Variants in INSR observed in about 807,000 individuals in gnomAD.
The protein encoded by INSR is insulin receptor, also known as IR.
In INSR, 67 loss-of-function variants were observed where a neutral mutation model predicts 142.6. That is an observed-to-expected ratio of 0.47 (90% CI 0.39 to 0.58). The LOEUF is 0.58. Among genes scored for constraint, INSR ranks in the 20% least tolerant of loss-of-function variants. The pLI, the probability that INSR is intolerant of heterozygous loss-of-function variation, is 0.00. For missense variants in INSR, 1,248 were observed against 1,833.2 expected, an observed-to-expected ratio of 0.68 and a Z score of 5.83; for synonymous variants, 756 against 743.1, an observed-to-expected ratio of 1.02 and a Z score of -0.28.
chr19:7,220,436 G>A (rs181105582), intron 2 of INSR, among the ~76,000 whole-genome samples: 4 of 152,248 alleles, frequency 2.6e-5, no homozygotes, highest in Non-Finnish European at 5.9e-5. Context: ...GGCTACAGGC[G>A]CGCCACCACG....
At chr19:7,129,610 C>T (rs1568432797) in intron 14 of INSR, among the ~76,000 whole-genome samples, 1 of 152,228 alleles carries the variant, frequency 6.6e-6, no homozygotes, top group Non-Finnish European at 1.5e-5. Flanking sequence ...CAGGCGTGAG[C>T]CAACGTGCCC....
At chr19:7,148,883 G>C (rs34338074) in intron 11 of INSR, among the ~76,000 whole-genome samples, 121,301 of 151,368 alleles carry the variant, frequency 0.8, 49,234 homozygotes, top group Non-Finnish European at 0.88. Flanking sequence ...CAAGCTCCGC[G>C]TCCCAGGTTC....
rs763471377 is a variant in INSR at position 7,120,718 on chromosome 19, C to T, written c.3561G>A (p.Thr1187=). The part of the protein sequence containing the change: ...DFGMTRDIYE[T]DYYRKGGKGL... ...CCTTGCCCCCTTTCCGGTAGTAATC[C>T]GTTTCATAGATGTCTCTGGTCATTC... Residue 1187 remains threonine, a synonymous_variant, in exon 20 of 22, where the codon ACG becomes ACA. Coordinates refer to ENST00000302850, the MANE Select transcript of INSR (RefSeq NM_000208.4). The T allele has an allele frequency of 9.9e-6, 16 of 1,614,078 alleles. No homozygotes were observed. The South Asian group carries it at 1.2e-4, about 12-fold the overall frequency.
At chr19:7,184,198 C>G (rs909214941) in intron 3 of INSR, 118 bp downstream of exon 3, 30 of 891,610 alleles carry the variant, frequency 3.4e-5, no homozygotes, top group Admixed American at 2.0e-4. Flanking sequence ...GAGCAGAGAC[C>G]TCACTCATAG....
rs200618148 is a variant in INSR, at chr19:7,141,670, G to A, written c.2682+7C>T. ...GCAGGGGCATGCCCAAGAGTCAAGG[G>A]CCTTACCTCATCACCATATCGCCGA... On this transcript the variant is annotated splice_region_variant and intron_variant, in intron 13 of 21. Coordinates refer to ENST00000302850, the MANE Select transcript of INSR (RefSeq NM_000208.4). The A allele has an allele frequency of 5.5e-5, 89 of 1,614,010 alleles. No homozygotes were observed. Among genetic ancestry groups the A allele is most frequent in the Non-Finnish European group, 6.8e-5 (80 of 1,180,030 alleles).
Position 7,267,615 on chromosome 19 carries a change from G to C in INSR, c.382C>G (p.Leu128Val). Residue 128 changes from leucine (L) to valine (V), a missense_variant, in exon 2 of 22, where the codon CTC becomes GTC. By Grantham distance (32) the Leu-to-Val change is conservative. Transcript: ENST00000302850. This position sits in a 1 kb window ranked among gnomAD's most constrained non-coding sequence, Gnocchi z 6.3. ...YALVIFEMVH[L>V]KELGLYNLMN... is the part of the protein sequence containing the mutation. Reference sequence around the variant, plus strand: ...AGGTTGTAGAGGCCGAGTTCCTTGAGGTGAACCATCTCGAAGATGACCAGC... The same window carrying C: ...AGGTTGTAGAGGCCGAGTTCCTTGACGTGAACCATCTCGAAGATGACCAGC... 6.2e-7 allele frequency: 1 copy of C among 1,614,032 alleles called. No individual in the cohort carries two copies. The highest frequency in any genetic ancestry group is 2.2e-5 in the East Asian group (1 of 44,882).
chr19:7,180,605 T>C (rs1974249705), intron 3 of INSR, among the ~76,000 whole-genome samples: 1 of 143,668 alleles, frequency 7.0e-6, no homozygotes, highest in African/African-American at 2.6e-5. Flanking sequence ...TGACAGAGAG[T>C]GCACGGATGA....
chr19:7,250,588 A>AG (rs1976695633), intron 2 of INSR, among the ~76,000 whole-genome samples: 1 of 112,248 alleles, frequency 8.9e-6, no homozygotes, highest in African/African-American at 3.4e-5. Flanking sequence ...GAGGGAGGGA[A>AG]GGAAGGAAGG....
intron 2 of INSR, among the ~76,000 whole-genome samples, chr19:7,256,232 G>T (rs75392157): frequency 0.075 from 11,478 of 152,238 alleles, 624 homozygotes; most frequent in Middle Eastern, 0.12. Context: ...GAGGTCAGGA[G>T]TTCGAGACCA....
chr19:7,141,853 C>A lies in INSR; in HGVS notation c.2543-37G>T, dbSNP rs769542104. On this transcript the variant is annotated intron_variant, in intron 12 of 21. Coordinates refer to ENST00000302850, the MANE Select transcript of INSR (RefSeq NM_000208.4). ...GGAAGTGAGAGGCAGGGATGTAACT[C>A]TTGGATGAGATCCCACTTCTGCCAC... 1.9e-6 allele frequency: 3 copies of A among 1,563,548 alleles called. No homozygotes were observed. The Admixed American group carries it at 5.0e-5, about 26-fold the overall frequency.
At position 7,115,706 on chromosome 19, in the gene INSR, A is replaced by T. The variant is rs1196185994; in HGVS notation, c.*1350T>A. On this transcript the variant is annotated 3_prime_UTR_variant, in exon 22 of 22. Transcript: ENST00000302850. ...ACACACAGAGAATCAGAGGATGAAC[A>T]CAGGTGTTCTTGAAGGCAGGCTCAG... is the stretch of plus-strand genomic sequence containing the variant. The T allele has an allele frequency of 1.3e-5, 2 of 152,264 alleles. No homozygotes were observed. The highest frequency in any genetic ancestry group is 4.8e-5 in the African/African-American group (2 of 41,458). The allele number at this position is 152,264 out of a possible 1,614,324, so 9.4% of individuals were successfully genotyped here.
chr19:7,244,099 A>T (rs1976450687), intron 2 of INSR, among the ~76,000 whole-genome samples: 1 of 152,222 alleles, frequency 6.6e-6, no homozygotes, highest in African/African-American at 2.4e-5. Flanking sequence ...AATCAATTTC[A>T]CTAAAGTATC....
At chr19:7,170,818 C>A in intron 5 of INSR, 67 bp from the exon 6 acceptor site, 1 of 1,269,986 alleles carries the variant, frequency 7.9e-7, no homozygotes, top group Non-Finnish European at 1.2e-6. Flanking sequence ...GATGGTGTGG[C>A]CATGCTCGGA....
At chr19:7,140,736 A>G (rs1317600915) in intron 13 of INSR, among the ~76,000 whole-genome samples, 2 of 151,624 alleles carry the variant, frequency 1.3e-5, no homozygotes, top group African/African-American at 4.9e-5. Flanking sequence ...CTCAGGATCT[A>G]TATTCTACGA....
At chr19:7,261,478 G>A (rs1977060964) in intron 2 of INSR, among the ~76,000 whole-genome samples, 2 of 152,056 alleles carry the variant, frequency 1.3e-5, no homozygotes, top group African/African-American at 4.8e-5. Flanking sequence ...CCAGGCTATG[G>A]ATCATTAGCA....
At chr19:7,209,870 T>G (rs1218625933) in intron 2 of INSR, among the ~76,000 whole-genome samples, 1 of 152,138 alleles carries the variant, frequency 6.6e-6, no homozygotes, top group African/African-American at 2.4e-5. Context: ...CGTGGGTGTC[T>G]TAGCAATCAA....
intron 21 of INSR, among the ~76,000 whole-genome samples, chr19:7,118,651 A>G (rs1029183589): frequency 1.3e-5 from 2 of 151,750 alleles, no homozygotes; most frequent in African/African-American, 4.8e-5. Context: ...TAAAGAATTA[A>G]CAGGCGGCTG....
chr19:7,150,402 A>G lies in INSR; in HGVS notation c.2267+95T>C. ...GCACAGCTGCCCGCCGCATGCAAAA[A>G]GCCACAGAAACCCCTGGGTTCTCCG... On this transcript the variant is annotated intron_variant, in intron 11 of 21. Coordinates refer to ENST00000302850, the MANE Select transcript of INSR (RefSeq NM_000208.4). This position sits in a 1 kb window ranked among gnomAD's most constrained non-coding sequence, Gnocchi z 4.2. The G allele has an allele frequency of 8.8e-7, 1 of 1,136,496 alleles. No homozygotes were observed. Among genetic ancestry groups the G allele is most frequent in the Admixed American group, 1.8e-5 (1 of 54,926 alleles). The allele number at this position is 1,136,496 out of a possible 1,614,324, so 70.4% of individuals were successfully genotyped here. A position where few individuals can be genotyped will look rare whatever the true frequency, so the allele number is the denominator to read the frequency against.
At chr19:7,172,142 C>T in intron 5 of INSR, 148 bp downstream of exon 5, 1 of 789,480 alleles carries the variant, frequency 1.3e-6, no homozygotes, top group South Asian at 1.4e-5. Flanking sequence ...GAACTCCCCG[C>T]CTCAAGTGAT....
Sources: gnomAD v4.1 joint callset for allele counts (sites outside exome capture counted in the v4.1 genomes callset) on GRCh38, gnomAD v4.1.1 for gene constraint, Gnocchi (gnomAD v3.1) non-coding constraint, MANE v1.5 for transcripts, NCBI Gene and HGNC (gene_info 2026-07-23, HGNC 2026-07-21) for gene names.